CAMK1D: variants seen among roughly 807,000 people sequenced by gnomAD.
The protein encoded by CAMK1D is calcium/calmodulin-dependent protein kinase type 1D.
In CAMK1D, 9 loss-of-function variants were observed where a neutral mutation model predicts 47.7. The ratio of observed to expected loss-of-function variants is 0.19; its 90% CI spans 0.11 to 0.33. The LOEUF (loss-of-function observed/expected upper bound fraction) is 0.33. CAMK1D is among the 10% of genes least tolerant of loss of function. CAMK1D has a pLI of 1.00. For synonymous variants in CAMK1D, 184 were observed against 184.9 expected (o/e 0.99, Z 0.04); for missense variants, 291 against 488.7 (o/e 0.60, Z 3.81).
At chr10:12,444,941 C>T (rs981999148) in intron 1 of CAMK1D, among the ~76,000 whole-genome samples, 53 of 152,138 alleles carry the variant, frequency 3.5e-4, no homozygotes, top group Admixed American at 3.1e-3. Flanking sequence ...GGATGGGATT[C>T]GCTACAGAAT....
intron 5 of CAMK1D, among the ~76,000 whole-genome samples, chr10:12,776,662 C>T (rs1391315749): frequency 6.6e-6 from 1 of 152,172 alleles, no homozygotes; most frequent in Non-Finnish European, 1.5e-5. Flanking sequence ...CGATTCACAG[C>T]CCACAGCACC....
intron 1 of CAMK1D, among the ~76,000 whole-genome samples, chr10:12,522,404 C>T (rs561258951): frequency 1.8e-5 from 2 of 113,316 alleles, no homozygotes; most frequent in Non-Finnish European, 2.0e-5. Flanking sequence ...TGACTCTTAA[C>T]GAGCATGCTG....
At chr10:12,645,695 G>A (rs1694032586) in intron 2 of CAMK1D, among the ~76,000 whole-genome samples, 1 of 152,214 alleles carries the variant, frequency 6.6e-6, no homozygotes, top group Non-Finnish European at 1.5e-5. Context: ...AACACAAGCT[G>A]TGTGGGGGTG....
chr10:12,713,918 C>A (rs1834024324), intron 3 of CAMK1D, among the ~76,000 whole-genome samples: 1 of 152,234 alleles, frequency 6.6e-6, no homozygotes, highest in Admixed American at 6.5e-5. Flanking sequence ...CGTCTTTCCC[C>A]TTTAGGGCAA....
intron 6 of CAMK1D, among the ~76,000 whole-genome samples, chr10:12,794,303 G>A (rs1452282468): frequency 2.0e-5 from 3 of 152,114 alleles, no homozygotes; most frequent in African/African-American, 7.2e-5. Flanking sequence ...TGGTAGAGGA[G>A]CCAATTTAGA....
At chr10:12,385,203 A>G (rs1205014372) in intron 1 of CAMK1D, among the ~76,000 whole-genome samples, 1 of 152,194 alleles carries the variant, frequency 6.6e-6, no homozygotes, top group African/African-American at 2.4e-5. Flanking sequence ...TCCTCAAGAG[A>G]TTCAACATGA....
At chr10:12,503,025 CAT>C (rs1491227225) in intron 1 of CAMK1D, among the ~76,000 whole-genome samples, 1 of 131,418 alleles carries the variant, frequency 7.6e-6, no homozygotes, top group Non-Finnish European at 1.7e-5. Context: ...TGTATATATG[CAT>C]GTGTGTGTGT....
At chr10:12,373,406 T>C (rs1237666448) in intron 1 of CAMK1D, among the ~76,000 whole-genome samples, 1 of 149,474 alleles carries the variant, frequency 6.7e-6, no homozygotes, top group Non-Finnish European at 1.5e-5. Flanking sequence ...CCAACGCGGG[T>C]GGGTCACCTG....
At chr10:12,586,081 A>G (rs1467872914) in intron 2 of CAMK1D, among the ~76,000 whole-genome samples, 1 of 152,206 alleles carries the variant, frequency 6.6e-6, no homozygotes, top group Non-Finnish European at 1.5e-5. Context: ...CCTTCCGAGC[A>G]TAGGTATTTA....
intron 1 of CAMK1D, among the ~76,000 whole-genome samples, chr10:12,504,720 A>G (rs981458996): frequency 2.6e-5 from 4 of 152,128 alleles, no homozygotes; most frequent in Non-Finnish European, 5.9e-5. Flanking sequence ...GTGTCCTGTC[A>G]AGACCCTCTT....
intron 1 of CAMK1D, among the ~76,000 whole-genome samples, chr10:12,515,293 T>G (rs1835161799): frequency 6.6e-6 from 1 of 151,926 alleles, no homozygotes; most frequent in Non-Finnish European, 1.5e-5. Context: ...AACATTCCCA[T>G]AACTTCGCCA....
At chr10:12,396,728 T>A (rs1838971434) in intron 1 of CAMK1D, among the ~76,000 whole-genome samples, 1 of 152,220 alleles carries the variant, frequency 6.6e-6, no homozygotes, top group Non-Finnish European at 1.5e-5. Context: ...TCTGCCCTTC[T>A]CCCCGCAGCA....
intron 6 of CAMK1D, among the ~76,000 whole-genome samples, chr10:12,804,987 G>A (rs11257999): frequency 0.31 from 45,541 of 147,730 alleles, 7,585 homozygotes; most frequent in East Asian, 0.61. Flanking sequence ...TAGGCCGGGC[G>A]CGGTGGCTCA....
intron 5 of CAMK1D, among the ~76,000 whole-genome samples, chr10:12,774,009 T>C: frequency 6.8e-6 from 1 of 147,410 alleles, no homozygotes. Flanking sequence ...GGCTACATCA[T>C]TCAGCCCTTG....
chr10:12,767,925 T>A (rs1350208996), intron 4 of CAMK1D, among the ~76,000 whole-genome samples: 2 of 152,148 alleles, frequency 1.3e-5, no homozygotes, highest in Non-Finnish European at 2.9e-5. Flanking sequence ...CAGGCTGGAG[T>A]GCAATGGCGC....
intron 2 of CAMK1D, among the ~76,000 whole-genome samples, chr10:12,625,026 C>T (rs1424910176): frequency 6.9e-6 from 1 of 145,130 alleles, no homozygotes; most frequent in Non-Finnish European, 1.5e-5. Flanking sequence ...CTCCTCCTTT[C>T]TTCTTCTTCT....
At chr10:12,794,349 AG>A (rs545469951) in intron 6 of CAMK1D, among the ~76,000 whole-genome samples, 36 of 152,218 alleles carry the variant, frequency 2.4e-4, no homozygotes, top group African/African-American at 7.9e-4. Flanking sequence ...TGATTTAGGA[AG>A]GGGGGTGAGA....
At chr10:12,723,216 A>G (rs768746542) in intron 3 of CAMK1D, among the ~76,000 whole-genome samples, 2 of 152,200 alleles carry the variant, frequency 1.3e-5, no homozygotes, top group Admixed American at 6.6e-5. Context: ...GGCAGGCTGC[A>G]GTTTGGGAGA....
In CAMK1D at chr10:12,582,675, T is replaced by C. The variant is rs144679278; in HGVS notation, c.224+29319T>C. Among the ~76,000 whole-genome samples the C allele has an allele frequency of 1.1e-4, 17 of 152,364 alleles. No homozygotes were observed. In the East Asian group the frequency reaches 2.7e-3, roughly 24 times the overall value. ...GTTCTTGATTTGATTCTCAGCTTGG[T>C]CACTGTTGGTGTATAGCAGAGCTAC... On this transcript the variant is annotated intron_variant, in intron 2 of 10. Transcript: ENST00000619168.
Sources: gnomAD v4.1 joint callset for allele counts (sites outside exome capture counted in the v4.1 genomes callset) on GRCh38, gnomAD v4.1.1 for gene constraint, MANE v1.5 for transcripts, NCBI Gene and HGNC (gene_info 2026-07-23, HGNC 2026-07-21) for gene names.